EZH1: variants seen among roughly 807,000 people sequenced by gnomAD.
The protein encoded by EZH1 is histone-lysine N-methyltransferase EZH1.
A neutral mutation model predicts 100.5 loss-of-function variants in EZH1; 33 were observed. The observed-to-expected ratio is 0.33, with a 90% CI of 0.25 to 0.44. EZH1 has a LOEUF of 0.44. EZH1 is among the 20% of genes least tolerant of loss of function. EZH1 has a pLI of 1.00. For synonymous variants in EZH1, 272 were observed against 313.8 expected, an observed-to-expected ratio of 0.87 and a Z score of 1.41; for missense variants, 475 against 928.4, an observed-to-expected ratio of 0.51 and a Z score of 6.35.
rs913212101 is a variant in EZH1 at position 42,722,728 on chromosome 17, A to G, written c.487+67T>C. 2.0e-5 allele frequency: 30 copies of G among 1,532,526 alleles called. No homozygotes were observed. The African/African-American group carries it at 3.7e-4, about 19-fold the overall frequency. The allele number at this position is 1,532,526 out of a possible 1,614,324, so 94.9% of individuals were successfully genotyped here. On this transcript the variant is annotated intron_variant, in intron 6 of 20. Coordinates refer to ENST00000428826, the MANE Select transcript of EZH1 (RefSeq NM_001991.5). ...CAGAAGATAAAAGCAAGATGGCAAG[A>G]TGATGAGGTACCAAAGAAGAGGCCT...
At chr17:42,731,448 T>C (rs1215953979) in intron 1 of EZH1, among the ~76,000 whole-genome samples, 1 of 152,102 alleles carries the variant, frequency 6.6e-6, no homozygotes, top group Non-Finnish European at 1.5e-5. Flanking sequence ...ATTTCTAGGC[T>C]CAGCTAACAG....
chr17:42,709,427 T>A (rs915342399), intron 13 of EZH1: 7 of 176,148 alleles, frequency 4.0e-5, no homozygotes, highest in Non-Finnish European at 6.0e-5. Context: ...AGAATTTTTT[T>A]AAAAACTTCC....
chr17:42,720,398 A>G lies in EZH1; in HGVS notation c.539T>C (p.Val180Ala). 6.2e-7 allele frequency: 1 copy of G among 1,613,978 alleles called. No homozygotes were observed. The highest frequency in any genetic ancestry group is 8.5e-7 in the Non-Finnish European group (1 of 1,180,012). ...LISDAVFLEL[V>A]DALNQYSDEE... Reference sequence around the variant, plus strand: ...ATCTGAGTACTGATTCAGGGCATCGACCAACTCCAGAAAAACAGCATCACT... The same window carrying G: ...ATCTGAGTACTGATTCAGGGCATCGGCCAACTCCAGAAAAACAGCATCACT... Residue 180 changes from valine (V) to alanine (A), a missense_variant, in exon 7 of 21, where the codon GTC (valine) becomes GCC (alanine). Val to Ala is a moderately conservative substitution (Grantham distance 64, BLOSUM62 0). Transcript: ENST00000428826.
chr17:42,722,967 CT>C, intron 5 of EZH1, 52 bp from the exon 6 acceptor site: 4 of 1,585,874 alleles, frequency 2.5e-6, no homozygotes, highest in Non-Finnish European at 3.4e-6. Flanking sequence ...TGCATCTGCT[CT>C]TTCCTATTTA....
At chr17:42,724,573 T>C (rs2143813803) in intron 4 of EZH1, 149 bp from the exon 5 acceptor site, 1 of 800,854 alleles carries the variant, frequency 1.2e-6, no homozygotes, top group South Asian at 1.7e-5. Flanking sequence ...TCACTTGAAG[T>C]CAGTTGGAGA....
chr17:42,720,575 G>A (rs868562491), intron 6 of EZH1, 126 bp from the exon 7 acceptor site: 1 of 765,646 alleles, frequency 1.3e-6, no homozygotes, highest in Middle Eastern at 3.1e-4. Flanking sequence ...TTACATGGGA[G>A]ATCAGGAAAT....
At chr17:42,721,249 A>G (rs1272456733) in intron 6 of EZH1, among the ~76,000 whole-genome samples, 1 of 152,236 alleles carries the variant, frequency 6.6e-6, no homozygotes, top group African/African-American at 2.4e-5. Context: ...AACAGTGCCC[A>G]CAATTGTCAA....
intron 4 of EZH1, among the ~76,000 whole-genome samples, chr17:42,726,909 G>C (rs1030797724): frequency 6.6e-6 from 1 of 151,908 alleles, no homozygotes; most frequent in Non-Finnish European, 1.5e-5. Context: ...GAGTGCAGTG[G>C]TGTGATCTTG....
intron 19 of EZH1, 135 bp from the exon 20 acceptor site, chr17:42,703,096 A>G: frequency 1.3e-6 from 1 of 768,654 alleles, no homozygotes; most frequent in Non-Finnish European, 2.2e-6. Flanking sequence ...TCAATATGGT[A>G]GTTGCCTCTA....
intron 6 of EZH1, among the ~76,000 whole-genome samples, chr17:42,720,941 G>A (rs969221217): frequency 5.3e-5 from 8 of 152,108 alleles, no homozygotes; most frequent in African/African-American, 1.4e-4. Context: ...GTGACCCACC[G>A]TGCCCAGCCA....
chr17:42,742,799 T>C (rs1390113859), intron 1 of EZH1, among the ~76,000 whole-genome samples: 1 of 152,226 alleles, frequency 6.6e-6, no homozygotes, highest in Admixed American at 6.5e-5. Context: ...TTGACAATGA[T>C]AGCATTATTA....
chr17:42,731,089 CCTTTA>C (rs1200406260), intron 1 of EZH1, among the ~76,000 whole-genome samples, 171 bp from the exon 2 acceptor site: 1 of 151,804 alleles, frequency 6.6e-6, no homozygotes, highest in Admixed American at 6.6e-5. Flanking sequence ...GGGAAGAGGC[CCTTTA>C]CTTTATTAAA....
chr17:42,732,691 C>A (rs973137829), intron 1 of EZH1, among the ~76,000 whole-genome samples: 3 of 152,162 alleles, frequency 2.0e-5, no homozygotes, highest in Non-Finnish European at 4.4e-5. Context: ...TGGCGTGAAC[C>A]CCAGGGGGCG....
chr17:42,738,374 G>A (rs2054108466), intron 1 of EZH1, among the ~76,000 whole-genome samples: 1 of 151,910 alleles, frequency 6.6e-6, no homozygotes, highest in South Asian at 2.1e-4. Context: ...AACCAGCAAG[G>A]CTAAGTAAGC....
intron 16 of EZH1, chr17:42,705,489 A>G (rs2053334684): frequency 4.5e-6 from 1 of 220,734 alleles, no homozygotes. Context: ...TACACCTCGC[A>G]GCTCCTTTTT....
intron 1 of EZH1, among the ~76,000 whole-genome samples, chr17:42,734,998 A>C (rs1043439105): frequency 6.6e-6 from 1 of 150,638 alleles, no homozygotes; most frequent in African/African-American, 2.4e-5. Flanking sequence ...GTCTCAAAAA[A>C]AGAAGAGGAA....
At chr17:42,733,442 C>A (rs558095204) in intron 1 of EZH1, among the ~76,000 whole-genome samples, 6 of 151,690 alleles carry the variant, frequency 4.0e-5, no homozygotes, top group Non-Finnish European at 8.8e-5. Context: ...GAGATCGAGA[C>A]CATCCTGGCT....
Position 42,730,936 on chromosome 17 carries a change from G to A in EZH1, c.-102-18C>T, listed in dbSNP as rs2143845461. 1 of 980,112 alleles carries A rather than the reference G, an allele frequency of 1.0e-6. No individual in the cohort carries two copies. Among genetic ancestry groups the A allele is most frequent in the East Asian group, 1.1e-4 (1 of 8,944 alleles). 60.7% of individuals were successfully genotyped at this position (980,112 alleles called of 1,614,324 possible). ...GTGTCCAGCTTTTCAAAAGAGAACA[G>A]ACAGTGGTTCTATTAAGTTAGTGCA... On this transcript the variant is annotated intron_variant, in intron 1 of 20. Coordinates refer to ENST00000428826, the MANE Select transcript of EZH1 (RefSeq NM_001991.5).
chr17:42,713,120 G>A, intron 11 of EZH1, 89 bp downstream of exon 11: 1 of 1,108,982 alleles, frequency 9.0e-7, no homozygotes, highest in Non-Finnish European at 1.3e-6. Context: ...ATTTTTAAGA[G>A]GTAGTAAAGT....
Sources: gnomAD v4.1 joint callset for allele counts (sites outside exome capture counted in the v4.1 genomes callset) on GRCh38, gnomAD v4.1.1 for gene constraint, MANE v1.5 for transcripts, NCBI Gene and HGNC (gene_info 2026-07-23, HGNC 2026-07-21) for gene names.